IFNAR2: variants seen among roughly 807,000 people sequenced by gnomAD.
The protein encoded by IFNAR2 is interferon alpha/beta receptor 2.
Under a neutral mutation model 49.4 loss-of-function variants are expected in IFNAR2, and 30 were observed. The observed-to-expected ratio is 0.61, with a 90% CI of 0.45 to 0.82. The LOEUF is 0.82. IFNAR2 is among the 40% of genes least tolerant of loss of function. The pLI, the probability that IFNAR2 is intolerant of heterozygous loss-of-function variation, is 0.00. For missense variants in IFNAR2, 600 were observed against 622.7 expected (o/e 0.96, Z 0.39); for synonymous variants, 224 against 234.5 (o/e 0.96, Z 0.41).
chr21:33,232,494 G>C (rs916351386), intron 1 of IFNAR2, among the ~76,000 whole-genome samples: 1 of 152,098 alleles, frequency 6.6e-6, no homozygotes, highest in African/African-American at 2.4e-5. Flanking sequence ...CATCTGGTAC[G>C]TGGAGATATC....
intron 1 of IFNAR2, 30 bp from the exon 2 acceptor site, chr21:33,241,810 T>C: frequency 6.6e-7 from 1 of 1,519,570 alleles, no homozygotes; most frequent in Non-Finnish European, 8.9e-7. Flanking sequence ...TCTCATTATC[T>C]TGTCTTTGCT....
At chr21:33,258,218 T>A (rs1238843870) in intron 7 of IFNAR2, among the ~76,000 whole-genome samples, 1 of 152,044 alleles carries the variant, frequency 6.6e-6, no homozygotes, top group Non-Finnish European at 1.5e-5. Flanking sequence ...GGCAGGAGAA[T>A]CTCTTGAACC....
In IFNAR2 at chr21:33,230,883, T is replaced by A. The variant is rs1986007577; in HGVS notation, c.-84+667T>A. On this transcript the variant is annotated intron_variant, in intron 1 of 8. Coordinates refer to ENST00000342136, the MANE Select transcript of IFNAR2 (RefSeq NM_001289125.3). This position sits in a 1 kb window ranked among gnomAD's most constrained non-coding sequence, Gnocchi z 5.5. The stretch of plus-strand genomic sequence containing the variant: ...CGAATATGGAGAGGCGATCGGCACT[T>A]GCATTTCAACCCTGAGCAAATCAAT... Among the ~76,000 whole-genome samples the A allele has an allele frequency of 6.6e-6, 1 of 152,198 alleles. No individual in the cohort carries two copies. Among genetic ancestry groups the A allele is most frequent in the African/African-American group, 2.4e-5 (1 of 41,436 alleles).
rs1355181181 is a variant in IFNAR2, at chr21:33,263,321, G to A, written c.1369G>A (p.Val457Ile). 2 of 1,614,178 alleles carry A rather than the reference G, an allele frequency of 1.2e-6. No individual in the cohort carries two copies. The highest frequency in any genetic ancestry group is 1.1e-5 in the South Asian group (1 of 91,078). The change falls in exon 9 of 9, where the codon GTT becomes ATT. Residue 457 changes from valine (V) to isoleucine (I), a missense_variant. Transcript: ENST00000342136. ...LMLSSHLEEM[V>I]DPEDPDNVQS... is the part of the protein sequence containing the mutation. Reference sequence around the variant, plus strand: ...GCTATCGTCTCATCTGGAAGAGATGGTTGACCCAGAGGATCCTGATAATGT... The same window carrying A: ...GCTATCGTCTCATCTGGAAGAGATGATTGACCCAGAGGATCCTGATAATGT...
At chr21:33,260,231 C>A (rs977867382) in intron 7 of IFNAR2, among the ~76,000 whole-genome samples, 8 of 152,316 alleles carry the variant, frequency 5.3e-5, no homozygotes, top group Non-Finnish European at 1.2e-4. Flanking sequence ...GCAGCGCATG[C>A]TAACCAGTGT....
intron 1 of IFNAR2, among the ~76,000 whole-genome samples, chr21:33,237,526 C>G (rs1290153349): frequency 6.6e-6 from 1 of 152,098 alleles, no homozygotes; most frequent in African/African-American, 2.4e-5. Flanking sequence ...CAGAGTGAGA[C>G]CCTGTCTCAA....
In IFNAR2 at chr21:33,230,089, C is replaced by A. The variant is rs1197682754; in HGVS notation, c.-211C>A. 9.1e-6 allele frequency: 9 copies of A among 988,058 alleles called. No individual in the cohort carries two copies. The South Asian group carries it at 3.6e-4, about 39-fold the overall frequency. The allele number at this position is 988,058 out of a possible 1,614,324, so 61.2% of individuals were successfully genotyped here. On this transcript the variant is annotated 5_prime_UTR_variant, in exon 1 of 9. Transcript: ENST00000342136. The surrounding 1 kb of genome is among the most constrained non-coding windows in gnomAD (Gnocchi z 5.5). ...CCGCACGGGCCGCTTTTGTCCCCCG[C>A]CCGCCGCTTCTGTCCGAGAGGCCGC...
rs1158949394 is a variant in IFNAR2, at chr21:33,230,819, C to A, written c.-84+603C>A. 6.6e-6 allele frequency among the ~76,000 whole-genome samples: 1 copy of A among 152,134 alleles called. No individual in the cohort carries two copies. Among genetic ancestry groups the A allele is most frequent in the Non-Finnish European group, 1.5e-5 (1 of 68,024 alleles). ...CCGCGGAGACAGAAGGGTGCACCCT[C>A]CCAGGGTCGGAGAGGGGAGATACTG... On this transcript the variant is annotated intron_variant, in intron 1 of 8. Transcript: ENST00000342136. This position sits in a 1 kb window ranked among gnomAD's most constrained non-coding sequence, Gnocchi z 5.5.
chr21:33,252,726 C>T lies in IFNAR2; in HGVS notation c.605C>T (p.Pro202Leu), dbSNP rs1286287301. The stretch of plus-strand genomic sequence containing the variant: ...ACCTATATCATTGACAAGTTAATTC[C>T]AAACACGAACTACTGTGTATCTGTT... ...NFTYIIDKLI[P>L]NTNYCVSVYL... The change falls in exon 7 of 9, where the codon CCA (proline) becomes CTA (leucine). Residue 202 changes from proline (P) to leucine (L), a missense_variant. Pro to Leu is a moderately conservative substitution (Grantham distance 98). Coordinates refer to ENST00000342136, the MANE Select transcript of IFNAR2 (RefSeq NM_001289125.3). 6 of 1,613,286 alleles carry T rather than the reference C, an allele frequency of 3.7e-6. No homozygotes were observed. The highest frequency in any genetic ancestry group is 1.7e-5 in the Admixed American group (1 of 59,978).
At chr21:33,242,470 C>T (rs1032895880) in intron 2 of IFNAR2, among the ~76,000 whole-genome samples, 51 of 151,950 alleles carry the variant, frequency 3.4e-4, no homozygotes, top group African/African-American at 1.2e-3. Flanking sequence ...CGGTGGCTCG[C>T]GCCTGTAATC....
chr21:33,234,481 A>G (rs903558073), intron 1 of IFNAR2, among the ~76,000 whole-genome samples: 3 of 152,186 alleles, frequency 2.0e-5, no homozygotes, highest in African/African-American at 7.2e-5. Context: ...TTCATTCATT[A>G]TTCATTGCCT....
rs1353801963 is a variant in IFNAR2 at position 33,230,047 on chromosome 21, C to G, written c.-253C>G. The stretch of plus-strand genomic sequence containing the variant: ...GCCGAACAGTTCCCCGAGCGCAGCC[C>G]GCGGACCACCACCCGGCCGCACGGG... On this transcript the variant is annotated 5_prime_UTR_variant, in exon 1 of 9. Coordinates refer to ENST00000342136, the MANE Select transcript of IFNAR2 (RefSeq NM_001289125.3). The surrounding 1 kb of genome is among the most constrained non-coding windows in gnomAD (Gnocchi z 5.5). 1.0e-6 allele frequency: 1 copy of G among 985,850 alleles called. No individual in the cohort carries two copies. The highest frequency in any genetic ancestry group is 1.2e-6 in the Non-Finnish European group (1 of 830,112). The allele number at this position is 985,850 out of a possible 1,614,324, so 61.1% of individuals were successfully genotyped here. A position where few individuals can be genotyped will look rare whatever the true frequency, so the allele number is the denominator to read the frequency against.
At chr21:33,245,902 G>A (rs1987363216) in intron 4 of IFNAR2, among the ~76,000 whole-genome samples, 1 of 152,126 alleles carries the variant, frequency 6.6e-6, no homozygotes. Context: ...TGAGATATCT[G>A]CATTGTCCCT....
intron 7 of IFNAR2, among the ~76,000 whole-genome samples, chr21:33,256,033 T>A (rs1166775217): frequency 6.6e-6 from 1 of 152,174 alleles, no homozygotes; most frequent in African/African-American, 2.4e-5. Context: ...CAAACGAAAC[T>A]CTTATAGACA....
rs200566022 is a variant in IFNAR2 at position 33,263,179 on chromosome 21, G to C, written c.1227G>C (p.Glu409Asp). Residue 409 changes from glutamate to aspartate, a missense_variant, in exon 9 of 9, where the codon GAG becomes GAC. Coordinates refer to ENST00000342136, the MANE Select transcript of IFNAR2 (RefSeq NM_001289125.3). ...CACTCCAGGACCCTTTTCCCGAAGA[G>C]GACTACAGCTCCACGGAGGGGTCTG... is the stretch of plus-strand genomic sequence containing the variant. ...KSPLQDPFPE[E>D]DYSSTEGSGG... 34 of 1,614,070 alleles carry C rather than the reference G, an allele frequency of 2.1e-5. No individual in the cohort carries two copies. The highest frequency in any genetic ancestry group is 2.9e-5 in the Non-Finnish European group (34 of 1,180,038).
rs937077558 is a variant in IFNAR2 at position 33,229,943 on chromosome 21, G to T, written c.-357G>T. On this transcript the variant is annotated 5_prime_UTR_variant, in exon 1 of 9. Transcript: ENST00000342136. ...GGCGCGGCGCCCGCGCTTCCGTATCGCTCCTCGTAGGCCGGGGCTCGGCGC... is the reference window on the plus strand; with the variant it reads ...GGCGCGGCGCCCGCGCTTCCGTATCTCTCCTCGTAGGCCGGGGCTCGGCGC... 2.0e-6 allele frequency: 2 copies of T among 983,324 alleles called. No individual in the cohort carries two copies. Among genetic ancestry groups the T allele is most frequent in the African/African-American group, 3.5e-5 (2 of 56,754 alleles). The allele number at this position is 983,324 out of a possible 1,614,324, so 60.9% of individuals were successfully genotyped here. A position where few individuals can be genotyped will look rare whatever the true frequency, so the allele number is the denominator to read the frequency against.
At chr21:33,243,521 A>G (rs1987151353) in intron 2 of IFNAR2, 152 bp from the exon 3 acceptor site, 3 of 685,288 alleles carry the variant, frequency 4.4e-6, no homozygotes, top group Non-Finnish European at 5.3e-6. Flanking sequence ...AATGTAGAGT[A>G]AAAACCATCT....
rs76657339 is a variant in IFNAR2 at position 33,240,264 on chromosome 21, T to C, written c.-83-1576T>C. Among the ~76,000 whole-genome samples the C allele has an allele frequency of 2.8e-3, 430 of 152,346 alleles. 9 individuals are homozygous for C. In the East Asian group the frequency reaches 0.033, roughly 12 times the overall value. The stretch of plus-strand genomic sequence containing the variant: ...CTACTGTACCTTTTCTGTGTCTAAA[T>C]ATGTTCAGATACACAAATGCCACTG... On this transcript the variant is annotated intron_variant, in intron 1 of 8. Transcript: ENST00000342136.
rs773079900 is a variant in IFNAR2 at position 33,247,254 on chromosome 21, C to CTTTCTTTTTTTT, written c.394+367_394+368insCTTTTTTTTTTT. ...ATTTTCTTTCTTTCTTTCTTTCTTT[C>CTTTCTTTTTTTT]TTTTTTTTTTTTTTTGAGATGGAGT... is the stretch of plus-strand genomic sequence containing the variant. On this transcript the variant is annotated intron_variant, in intron 5 of 8. Transcript: ENST00000342136. Among the ~76,000 whole-genome samples, 42 of 91,556 alleles carry CTTTCTTTTTTTT rather than the reference C, an allele frequency of 4.6e-4. 1 individual carries two copies. The highest frequency in any genetic ancestry group is 1.6e-3 in the African/African-American group (38 of 23,784). 60.1% of individuals were successfully genotyped at this position (91,556 alleles called of 152,430 possible).
Sources: gnomAD v4.1 joint callset for allele counts (sites outside exome capture counted in the v4.1 genomes callset) on GRCh38, gnomAD v4.1.1 for gene constraint, Gnocchi (gnomAD v3.1) non-coding constraint, MANE v1.5 for transcripts, NCBI Gene and HGNC (gene_info 2026-07-23, HGNC 2026-07-21) for gene names.